The following PRR5L variants were observed in gnomAD, a reference collection of about 807,000 sequenced individuals.
PRR5L encodes proline-rich protein 5-like.
In PRR5L, 21 loss-of-function variants were observed where a neutral mutation model predicts 36.4. That is an observed-to-expected ratio of 0.58 (90% CI 0.41 to 0.83). The LOEUF is 0.83. PRR5L is among the 40% of genes least tolerant of loss of function. PRR5L has a pLI of 0.00. For synonymous variants in PRR5L, 188 were observed against 197.0 expected, an observed-to-expected ratio of 0.95 and a Z score of 0.38; for missense variants, 381 against 473.3, an observed-to-expected ratio of 0.80 and a Z score of 1.81.
At chr11:36,357,771 G>T (rs929922976) in intron 1 of PRR5L, among the ~76,000 whole-genome samples, 4 of 152,174 alleles carry the variant, frequency 2.6e-5, no homozygotes, top group Non-Finnish European at 4.4e-5. Flanking sequence ...TCACCCAGAA[G>T]TTGTGATAAA....
At chr11:36,421,483 G>A (rs114865491) in intron 4 of PRR5L, among the ~76,000 whole-genome samples, 1,560 of 152,268 alleles carry the variant, frequency 0.01, 33 homozygotes, top group African/African-American at 0.035. Flanking sequence ...GTTTTAAATC[G>A]AAGTTTATTT....
At chr11:36,384,679 CTTTCTTTT>C (rs1857426663) in intron 1 of PRR5L, among the ~76,000 whole-genome samples, 1 of 87,792 alleles carries the variant, frequency 1.1e-5, no homozygotes, top group Non-Finnish European at 2.7e-5. Context: ...TTCTTTCTTT[CTTTCTTTT>C]TTGGAGATAG....
chr11:36,417,822 G>A (rs920004819), intron 3 of PRR5L, among the ~76,000 whole-genome samples: 5 of 152,180 alleles, frequency 3.3e-5, no homozygotes, highest in South Asian at 2.1e-4. Context: ...CTCAGCAAGC[G>A]TCGTCAGAAA....
At chr11:36,333,448 A>C (rs532757610) in intron 1 of PRR5L, among the ~76,000 whole-genome samples, 3 of 152,248 alleles carry the variant, frequency 2.0e-5, no homozygotes, top group Non-Finnish European at 2.9e-5. Flanking sequence ...ATTTATGTAC[A>C]CAATAGCCCC....
rs537675306 is a variant in PRR5L, at chr11:36,397,720, C to G, written c.-125-3277C>G. 2.0e-5 allele frequency among the ~76,000 whole-genome samples: 3 copies of G among 151,428 alleles called. No individual in the cohort carries two copies. The East Asian group carries it at 5.9e-4, about 30-fold the overall frequency. On this transcript the variant is annotated intron_variant, in intron 1 of 8. Coordinates refer to ENST00000530639, the MANE Select transcript of PRR5L (RefSeq NM_001160167.2). ...GATCCGCCTGCCTTGGCCGGGATTA[C>G]AGACGTGAGTGACTGTGCCTGGCCT...
chr11:36,342,112 A>G (rs1203856725), intron 1 of PRR5L, among the ~76,000 whole-genome samples: 1 of 152,184 alleles, frequency 6.6e-6, no homozygotes, highest in African/African-American at 2.4e-5. Context: ...CAGCAGACTC[A>G]AGGTGGGTCG....
At chr11:36,382,338 C>G (rs1055641826) in intron 1 of PRR5L, among the ~76,000 whole-genome samples, 1 of 152,192 alleles carries the variant, frequency 6.6e-6, no homozygotes, top group Admixed American at 6.5e-5. Context: ...GTGAGTTGCT[C>G]AGTTATTCTG....
chr11:36,397,789 T>C (rs980307637), intron 1 of PRR5L, among the ~76,000 whole-genome samples: 8 of 151,696 alleles, frequency 5.3e-5, no homozygotes, highest in African/African-American at 1.9e-4. Flanking sequence ...TTTTCTTTCT[T>C]TTCTTTCTTT....
intron 1 of PRR5L, chr11:36,323,423 T>C (rs1234684619): frequency 6.6e-6 from 1 of 152,240 alleles, no homozygotes; most frequent in Admixed American, 6.5e-5. Context: ...GTCTCTGCTT[T>C]AGTCCTCTGT....
At chr11:36,337,281 C>T (rs943945667) in intron 1 of PRR5L, among the ~76,000 whole-genome samples, 7 of 152,086 alleles carry the variant, frequency 4.6e-5, no homozygotes, top group Admixed American at 6.6e-5. Flanking sequence ...ATTAGTGCTC[C>T]TACAAAAGGG....
In PRR5L at chr11:36,464,101, TCTA is replaced by T. The variant is rs2133644508; in HGVS notation, c.*1368_*1370del. On this transcript the variant is annotated 3_prime_UTR_variant, in exon 9 of 9. Transcript: ENST00000530639. ...AGGCCTTGGCACGGTGCTGCATCCT[TCTA>T]CTGCTCCCTCCAGGTCTGGGGGCTT... The T allele has an allele frequency of 6.6e-6, 1 of 152,358 alleles. No homozygotes were observed. The highest frequency in any genetic ancestry group is 2.1e-4 in the South Asian group (1 of 4,832). The allele number at this position is 152,358 out of a possible 1,614,324, so 9.4% of individuals were successfully genotyped here. A position where few individuals can be genotyped will look rare whatever the true frequency, so the allele number is the denominator to read the frequency against.
intron 1 of PRR5L, among the ~76,000 whole-genome samples, chr11:36,350,640 C>T (rs532357568): frequency 4.6e-5 from 7 of 151,708 alleles, no homozygotes; most frequent in South Asian, 2.1e-4. Flanking sequence ...ACCCGTCACG[C>T]GAGCAGTGTA....
chr11:36,372,200 T>C (rs1673195819), intron 1 of PRR5L, among the ~76,000 whole-genome samples: 1 of 152,232 alleles, frequency 6.6e-6, no homozygotes, highest in Non-Finnish European at 1.5e-5. Flanking sequence ...TGTCCTTTTT[T>C]GCCTGTGTAT....
chr11:36,449,502 C>G (rs1485752358), intron 7 of PRR5L, among the ~76,000 whole-genome samples: 1 of 152,188 alleles, frequency 6.6e-6, no homozygotes, highest in Non-Finnish European at 1.5e-5. Context: ...TTCAAACTGC[C>G]CCAGTGAGAG....
intron 1 of PRR5L, among the ~76,000 whole-genome samples, chr11:36,365,072 G>T (rs1857130600): frequency 6.6e-6 from 1 of 152,174 alleles, no homozygotes; most frequent in Admixed American, 6.5e-5. Flanking sequence ...GGTACTTAAT[G>T]TAAACTCAGT....
intron 1 of PRR5L, among the ~76,000 whole-genome samples, chr11:36,306,244 C>T (rs67184556): frequency 0.3 from 45,827 of 151,998 alleles, 7,056 homozygotes; most frequent in Non-Finnish European, 0.33. Context: ...CCTCCCCCAG[C>T]CCCCCATCCT....
At chr11:36,379,891 G>A (rs925292094) in intron 1 of PRR5L, among the ~76,000 whole-genome samples, 6 of 152,294 alleles carry the variant, frequency 3.9e-5, no homozygotes, top group Admixed American at 6.5e-5. Flanking sequence ...TGGTATTTGC[G>A]CCTCCCAACA....
chr11:36,454,982 C>T (rs1859022774), intron 8 of PRR5L, among the ~76,000 whole-genome samples: 1 of 152,228 alleles, frequency 6.6e-6, no homozygotes, highest in Admixed American at 6.5e-5. Context: ...TTTGCCCCAT[C>T]TTTCAAGTCC....
At chr11:36,398,233 C>T (rs1857710548) in intron 1 of PRR5L, among the ~76,000 whole-genome samples, 1 of 152,222 alleles carries the variant, frequency 6.6e-6, no homozygotes, top group Non-Finnish European at 1.5e-5. Context: ...GCCTCGAGCA[C>T]CTTGGATGTG....
Sources: allele counts gnomAD v4.1 joint callset (sites outside exome capture counted in the v4.1 genomes callset), GRCh38; gene constraint gnomAD v4.1.1; transcripts MANE v1.5; gene names NCBI Gene and HGNC (gene_info 2026-07-23, HGNC 2026-07-21).